The following AKAP12 variants were observed in gnomAD, a reference collection of about 807,000 sequenced individuals.
AKAP12 encodes the protein A-kinase anchoring protein 12, also known as A-kinase anchor protein 12.
A neutral mutation model predicts 79.9 loss-of-function variants in AKAP12; 32 were observed. The observed-to-expected ratio is 0.40, with a 90% CI of 0.30 to 0.54. The LOEUF is 0.54. AKAP12 is among the 20% of genes least tolerant of loss of function. The pLI, the probability that AKAP12 is intolerant of heterozygous loss-of-function variation, is 0.48. For missense variants in AKAP12, 2,074 were observed against 2,177.0 expected (o/e 0.95, Z 0.94); for synonymous variants, 808 against 857.0 (o/e 0.94, Z 1.00).
At chr6:151,302,399 A>G (rs1371974371) in intron 2 of AKAP12, among the ~76,000 whole-genome samples, 4 of 152,098 alleles carry the variant, frequency 2.6e-5, no homozygotes, top group Non-Finnish European at 2.9e-5. Context: ...GGCTCAAGCA[A>G]TCCTCCTGCC....
Position 151,349,588 on chromosome 6 carries a change from G to A in AKAP12, c.1197G>A (p.Leu399=). 6.2e-7 allele frequency: 1 copy of A among 1,610,952 alleles called. No homozygotes were observed. The highest frequency in any genetic ancestry group is 8.5e-7 in the Non-Finnish European group (1 of 1,179,030). ...QGPSEEKPAP[L]ATEVFDEKIE... is the part of the protein sequence containing the mutation. The stretch of plus-strand genomic sequence containing the variant: ...CTTCTGAAGAGAAACCTGCTCCGTT[G>A]GCGACAGAAGTGTTTGATGAGAAAA... The change falls in exon 4 of 5, where the codon TTG becomes TTA. Residue 399 remains leucine (L), a synonymous_variant. Coordinates refer to ENST00000402676, the MANE Select transcript of AKAP12 (RefSeq NM_005100.4).
At chr6:151,301,417 T>G (rs924414204) in intron 2 of AKAP12, among the ~76,000 whole-genome samples, 18 of 152,198 alleles carry the variant, frequency 1.2e-4, no homozygotes, top group African/African-American at 4.3e-4. Context: ...CAGAAAAGAC[T>G]TAAATGAATG....
chr6:151,321,821 C>G (rs3963366), intron 3 of AKAP12, among the ~76,000 whole-genome samples: 63,209 of 151,438 alleles, frequency 0.42, 13,995 homozygotes, highest in African/African-American at 0.57. Context: ...GAGGGTTCCA[C>G]CTTCTCCATT....
At chr6:151,250,454 T>C (rs57701883) in intron 2 of AKAP12, among the ~76,000 whole-genome samples, 3,503 of 151,460 alleles carry the variant, frequency 0.023, 149 homozygotes, top group African/African-American at 0.08. Flanking sequence ...AAGCCGAGAT[T>C]GCACCACTGC....
intron 2 of AKAP12, among the ~76,000 whole-genome samples, chr6:151,247,041 C>T (rs908778401): frequency 2.0e-5 from 3 of 152,086 alleles, no homozygotes; most frequent in Admixed American, 1.3e-4. Flanking sequence ...GATCCTCCCA[C>T]CTCTGCCTCC....
chr6:151,316,372 G>A (rs1219205891), intron 3 of AKAP12, among the ~76,000 whole-genome samples: 1 of 152,162 alleles, frequency 6.6e-6, no homozygotes, highest in African/African-American at 2.4e-5. Flanking sequence ...TAGACCAACC[G>A]CAGGCATAAG....
At chr6:151,309,108 C>T (rs1013528744) in intron 3 of AKAP12, among the ~76,000 whole-genome samples, 1 of 152,170 alleles carries the variant, frequency 6.6e-6, no homozygotes, top group Admixed American at 6.5e-5. Flanking sequence ...CTCCTGACCT[C>T]AGGTGATCCG....
intron 3 of AKAP12, among the ~76,000 whole-genome samples, chr6:151,307,401 G>T (rs1776999461): frequency 6.6e-6 from 1 of 152,190 alleles, no homozygotes; most frequent in Non-Finnish European, 1.5e-5. Context: ...TTATTGAAGG[G>T]TGTAGAATGA....
chr6:151,353,798 T>C, intron 4 of AKAP12, 46 bp downstream of exon 4: 1 of 1,340,136 alleles, frequency 7.5e-7, no homozygotes. Flanking sequence ...TTTATGCCAA[T>C]AGATGGCAAA....
intron 2 of AKAP12, among the ~76,000 whole-genome samples, chr6:151,281,013 A>G (rs1299245935): frequency 6.6e-6 from 1 of 152,190 alleles, no homozygotes; most frequent in African/African-American, 2.4e-5. Context: ...GTTTAAATTT[A>G]CCAGTAAACA....
chr6:151,333,267 A>G (rs1006177957), intron 3 of AKAP12, among the ~76,000 whole-genome samples: 3 of 152,028 alleles, frequency 2.0e-5, no homozygotes, highest in Non-Finnish European at 4.4e-5. Context: ...CATTATTTTT[A>G]GAGGCCTCTT....
At chr6:151,260,555 T>C (rs1240017402) in intron 2 of AKAP12, among the ~76,000 whole-genome samples, 1 of 152,222 alleles carries the variant, frequency 6.6e-6, no homozygotes, top group Non-Finnish European at 1.5e-5. Context: ...TGAATGATGA[T>C]CTAATAAGGC....
At chr6:151,324,325 G>A in intron 3 of AKAP12, 1 of 985,410 alleles carries the variant, frequency 1.0e-6, no homozygotes, top group South Asian at 4.7e-5. Context: ...TTTTGGAGAG[G>A]CTGAAGCTGA....
intron 2 of AKAP12, among the ~76,000 whole-genome samples, chr6:151,301,778 A>C (rs780903131): frequency 6.6e-6 from 1 of 152,180 alleles, no homozygotes; most frequent in African/African-American, 2.4e-5. Context: ...AATAGACTCA[A>C]AACTCAGGTT....
In AKAP12 at chr6:151,344,871, A is replaced by G. The variant is rs61617569; in HGVS notation, c.320-3840A>G. 7.4e-3 allele frequency among the ~76,000 whole-genome samples: 1,132 copies of G among 152,252 alleles called. 18 individuals are homozygous for G. Among genetic ancestry groups the G allele is most frequent in the African/African-American group, 0.024 (1,016 of 41,548 alleles). ...TAACTTTCTGGGGTTCAGTTTCAAA[A>G]TAAAACCAAATAAGTAGTATGATGG... On this transcript the variant is annotated intron_variant, in intron 3 of 4. Coordinates refer to ENST00000402676, the MANE Select transcript of AKAP12 (RefSeq NM_005100.4).
intron 2 of AKAP12, among the ~76,000 whole-genome samples, chr6:151,260,087 T>C (rs1039699302): frequency 9.2e-5 from 14 of 152,142 alleles, no homozygotes; most frequent in African/African-American, 3.4e-4. Flanking sequence ...CAGGTGCATA[T>C]AGAAATATAA....
intron 2 of AKAP12, among the ~76,000 whole-genome samples, chr6:151,288,946 A>G (rs772345164): frequency 6.6e-6 from 1 of 152,234 alleles, no homozygotes; most frequent in Middle Eastern, 3.2e-3. Context: ...CTTATGATTT[A>G]TAAATGAGGT....
At chr6:151,243,106 G>C (rs1797009774) in intron 2 of AKAP12, among the ~76,000 whole-genome samples, 1 of 152,208 alleles carries the variant, frequency 6.6e-6, no homozygotes, top group Non-Finnish European at 1.5e-5. Context: ...TCTAGATATA[G>C]AGTGACTTGT....
intron 2 of AKAP12, among the ~76,000 whole-genome samples, chr6:151,240,961 G>A (rs1034469720): frequency 1.3e-5 from 2 of 152,306 alleles, no homozygotes; most frequent in South Asian, 2.1e-4. Flanking sequence ...GGTCTCCAGG[G>A]GAGGCGACTG....
Sources: allele counts gnomAD v4.1 joint callset (sites outside exome capture counted in the v4.1 genomes callset), GRCh38; gene constraint gnomAD v4.1.1; transcripts MANE v1.5; gene names NCBI Gene and HGNC (gene_info 2026-07-23, HGNC 2026-07-21).